The following SLC4A4 variants were observed in gnomAD, a reference collection of about 807,000 sequenced individuals.
The protein encoded by SLC4A4 is electrogenic sodium bicarbonate cotransporter 1.
In SLC4A4, 27 loss-of-function variants were observed where a neutral mutation model predicts 111.5. The ratio of observed to expected loss-of-function variants is 0.24; its 90% CI spans 0.18 to 0.33. The LOEUF (loss-of-function observed/expected upper bound fraction) is 0.33, where lower values mean the gene tolerates loss of function less well. Ranked by LOEUF, SLC4A4 falls within the 10% of genes least tolerant of loss-of-function variation. The pLI is 1.00. For synonymous variants in SLC4A4, 443 were observed against 463.4 expected (o/e 0.96, Z 0.57); for missense variants, 909 against 1,315.5 (o/e 0.69, Z 4.78).
At chr4:71,258,769 T>C (rs1386212857) in intron 3 of SLC4A4, among the ~76,000 whole-genome samples, 1 of 152,242 alleles carries the variant, frequency 6.6e-6, no homozygotes, top group Non-Finnish European at 1.5e-5. Context: ...CTTTTAATTA[T>C]CCCACTTTGG....
At chr4:71,227,156 A>T (rs1719102218) in intron 1 of SLC4A4, among the ~76,000 whole-genome samples, 1 of 152,160 alleles carries the variant, frequency 6.6e-6, no homozygotes. Context: ...GATAATGTAG[A>T]GAGGCTTCTG....
chr4:71,220,087 G>C (rs1234497194), intron 1 of SLC4A4, among the ~76,000 whole-genome samples: 1 of 152,164 alleles, frequency 6.6e-6, no homozygotes, highest in African/African-American at 2.4e-5. Flanking sequence ...TCCAATTTTG[G>C]AAAAAGTTCT....
chr4:71,367,218 G>A (rs917575454), intron 6 of SLC4A4, among the ~76,000 whole-genome samples: 2 of 152,242 alleles, frequency 1.3e-5, no homozygotes, highest in African/African-American at 2.4e-5. Context: ...GAGTTTTGGA[G>A]AAGCTGCTGA....
intron 7 of SLC4A4, among the ~76,000 whole-genome samples, chr4:71,403,721 C>A (rs1720579485): frequency 6.6e-6 from 1 of 152,058 alleles, no homozygotes; most frequent in African/African-American, 2.4e-5. Context: ...GCCGGAGGAC[C>A]TTTTATTTTA....
At position 71,255,409 on chromosome 4, in the gene SLC4A4, C is replaced by G. The variant is rs772926101; in HGVS notation, c.253+10C>G. Reference sequence around the variant, plus strand: ...ATCCTAAAACCTCTCAGTGAGTACTCTCTGAGCGTTGGTGCCTCTCTCTGC... The same window carrying G: ...ATCCTAAAACCTCTCAGTGAGTACTGTCTGAGCGTTGGTGCCTCTCTCTGC... On this transcript the variant is annotated intron_variant, in intron 3 of 25. Transcript: ENST00000264485. 3.7e-6 allele frequency: 6 copies of G among 1,613,034 alleles called. No individual in the cohort carries two copies. The highest frequency in any genetic ancestry group is 5.1e-6 in the Non-Finnish European group (6 of 1,179,210).
intron 3 of SLC4A4, among the ~76,000 whole-genome samples, chr4:71,297,733 A>G (rs1194432540): frequency 2.6e-5 from 4 of 151,584 alleles, no homozygotes; most frequent in Non-Finnish European, 5.9e-5. Context: ...GAATACAGGG[A>G]TGTGCCACCA....
chr4:71,121,222 C>A (rs1034055121), intron 2 of SLC4A4, among the ~76,000 whole-genome samples: 1 of 151,962 alleles, frequency 6.6e-6, no homozygotes, highest in Non-Finnish European at 1.5e-5. Flanking sequence ...TCCCTCCCCC[C>A]TCCCCTTGGC....
intron 5 of SLC4A4, among the ~76,000 whole-genome samples, chr4:71,351,549 A>C (rs1462353770): frequency 6.6e-6 from 1 of 152,184 alleles, no homozygotes; most frequent in Non-Finnish European, 1.5e-5. Context: ...TACAGAATGA[A>C]AAATAACTAA....
intron 3 of SLC4A4, among the ~76,000 whole-genome samples, chr4:71,337,745 C>T (rs1728545096): frequency 6.6e-6 from 1 of 152,038 alleles, no homozygotes; most frequent in Admixed American, 6.6e-5. Flanking sequence ...TAACATAAAT[C>T]AAGAAGTGCT....
chr4:71,382,443 T>C (rs1174657806), intron 6 of SLC4A4, among the ~76,000 whole-genome samples: 1 of 152,188 alleles, frequency 6.6e-6, no homozygotes, highest in Non-Finnish European at 1.5e-5. Context: ...GCTATACATA[T>C]TTAAGTGAAA....
chr4:71,546,675 T>C (rs1395651094), intron 19 of SLC4A4, 147 bp downstream of exon 19: 1 of 744,868 alleles, frequency 1.3e-6, no homozygotes, highest in African/African-American at 1.8e-5. Flanking sequence ...AAGGACTAAA[T>C]TTTCATCAGA....
intron 14 of SLC4A4, chr4:71,473,332 C>T (rs1728063411): frequency 1.8e-6 from 1 of 540,980 alleles, no homozygotes; most frequent in Non-Finnish European, 3.3e-6. Context: ...TCCTTTGCTG[C>T]TTCTTTATTG....
At chr4:71,454,207 C>T (rs1222719522) in intron 12 of SLC4A4, among the ~76,000 whole-genome samples, 2 of 152,134 alleles carry the variant, frequency 1.3e-5, no homozygotes, top group Non-Finnish European at 1.5e-5. Context: ...TAAGCTGTAA[C>T]GACTCTGGCT....
chr4:71,557,942 T>C, intron 22 of SLC4A4, 57 bp downstream of exon 22: 1 of 1,460,082 alleles, frequency 6.8e-7, no homozygotes, highest in East Asian at 2.3e-5. Context: ...CATGTGGTTA[T>C]TGTTATATGG....
At chr4:71,180,916 G>A (rs561585961) in intron 2 of SLC4A4, among the ~76,000 whole-genome samples, 4 of 152,146 alleles carry the variant, frequency 2.6e-5, no homozygotes, top group South Asian at 2.1e-4. Context: ...ACATGCACAC[G>A]TATGTTTACT....
chr4:71,480,782 T>C (rs571000235), intron 14 of SLC4A4, among the ~76,000 whole-genome samples: 3 of 151,870 alleles, frequency 2.0e-5, no homozygotes, highest in Non-Finnish European at 4.4e-5. Context: ...CACATAGCTG[T>C]AACCCTAAGA....
At chr4:71,528,344 G>A (rs981374678) in intron 16 of SLC4A4, among the ~76,000 whole-genome samples, 2 of 152,068 alleles carry the variant, frequency 1.3e-5, no homozygotes, top group African/African-American at 2.4e-5. Context: ...TCAGAATGGA[G>A]TAAGAAATTC....
intron 1 of SLC4A4, among the ~76,000 whole-genome samples, chr4:71,193,826 T>C (rs1437183593): frequency 6.6e-6 from 1 of 152,210 alleles, no homozygotes; most frequent in East Asian, 1.9e-4. Context: ...TCAGTTCTTT[T>C]ATTTGTTTAG....
At chr4:71,129,209 C>G (rs575722370) in intron 2 of SLC4A4, among the ~76,000 whole-genome samples, 1 of 152,104 alleles carries the variant, frequency 6.6e-6, no homozygotes, top group South Asian at 2.1e-4. Context: ...ATTTGCAAAC[C>G]ATGCATCCTA....
Sources: allele counts gnomAD v4.1 joint callset (sites outside exome capture counted in the v4.1 genomes callset), GRCh38; gene constraint gnomAD v4.1.1; transcripts MANE v1.5; gene names NCBI Gene and HGNC (gene_info 2026-07-23, HGNC 2026-07-21).